Variants in MYT1L observed in about 807,000 individuals in gnomAD.
MYT1L encodes the protein myelin transcription factor 1 like.
Under a neutral mutation model 126.7 loss-of-function variants are expected in MYT1L, and 12 were observed. That is an observed-to-expected ratio of 0.09 (90% confidence interval 0.06 to 0.15). The LOEUF is 0.15. MYT1L is among the 10% of genes least tolerant of loss of function. The pLI is 1.00. For missense variants in MYT1L, 979 were observed against 1,585.2 expected (o/e 0.62, Z 6.49); for synonymous variants, 541 against 604.2 (o/e 0.90, Z 1.53).
chr2:1,861,858 C>CTGGATCCTCCTGCAGCCTGTGTAATCG (rs1558191046), intron 18 of MYT1L, among the ~76,000 whole-genome samples: 3 of 151,134 alleles, frequency 2.0e-5, no homozygotes, highest in Non-Finnish European at 3.0e-5. Context: ...CTGTGTAATC[C>CTGGATCCTCCTGCAGCCTGTGTAATCG]TAGATCTGCC....
rs76100766 is a variant in MYT1L at position 2,253,150 on chromosome 2, G to C, written c.-421+31254C>G. Among the ~76,000 whole-genome samples, 287 of 152,014 alleles carry C rather than the reference G, an allele frequency of 1.9e-3. 2 individuals carry two copies. Among genetic ancestry groups the C allele is most frequent in the African/African-American group, 6.4e-3 (267 of 41,494 alleles). On this transcript the variant is annotated intron_variant, in intron 2 of 24. Transcript: ENST00000647738. ...AGAAAAAAAGAATTTAAAAAAAAAA[G>C]AAAAAAAGAGAAGGAAACATCATTG...
chr2:2,057,344 G>A (rs571929924), intron 3 of MYT1L, among the ~76,000 whole-genome samples: 1 of 148,730 alleles, frequency 6.7e-6, no homozygotes, highest in South Asian at 2.2e-4. Flanking sequence ...TCACAGCCAC[G>A]CCCAGCCTCT....
intron 1 of MYT1L, among the ~76,000 whole-genome samples, chr2:2,322,501 G>A (rs1164468014): frequency 2.0e-5 from 3 of 151,922 alleles, no homozygotes; most frequent in African/African-American, 4.8e-5. Flanking sequence ...GTCTTTGCCC[G>A]TGAGCCTGCT....
chr2:2,214,885 T>C (rs1008763550), intron 2 of MYT1L, among the ~76,000 whole-genome samples: 2 of 152,166 alleles, frequency 1.3e-5, no homozygotes, highest in Non-Finnish European at 2.9e-5. Flanking sequence ...ATGTAGTGTG[T>C]CATTTGTAAC....
chr2:2,195,414 T>G (rs531762828), intron 2 of MYT1L, among the ~76,000 whole-genome samples: 1 of 152,220 alleles, frequency 6.6e-6, no homozygotes, highest in African/African-American at 2.4e-5. Context: ...CAATTCATGA[T>G]TGGATTGAGG....
intron 3 of MYT1L, among the ~76,000 whole-genome samples, chr2:2,122,548 G>A (rs1419341188): frequency 6.6e-6 from 1 of 152,160 alleles, no homozygotes; most frequent in Non-Finnish European, 1.5e-5. Flanking sequence ...CATATACAAA[G>A]TAATTCATGT....
chr2:1,990,934 G>A (rs1036365654), intron 5 of MYT1L, among the ~76,000 whole-genome samples: 11 of 152,302 alleles, frequency 7.2e-5, no homozygotes, highest in South Asian at 4.1e-4. Context: ...CCTCACAGGC[G>A]GCCATCTGGG....
At chr2:1,792,226 G>T in intron 24 of MYT1L, 95 bp downstream of exon 24, 5 of 1,434,308 alleles carry the variant, frequency 3.5e-6, no homozygotes, top group Non-Finnish European at 4.6e-6. Flanking sequence ...GCCAAAGGCT[G>T]AAGAACCATG....
intron 3 of MYT1L, among the ~76,000 whole-genome samples, chr2:2,072,844 G>T (rs559507654): frequency 2.1e-4 from 32 of 152,168 alleles, no homozygotes; most frequent in Admixed American, 2.1e-3. Context: ...TGCCATCATT[G>T]TAAGTTTCCT....
chr2:1,920,299 A>C, intron 10 of MYT1L, among the ~76,000 whole-genome samples: 1 of 152,236 alleles, frequency 6.6e-6, no homozygotes, highest in East Asian at 1.9e-4. Context: ...TCTTGCAAAC[A>C]AAACAAAACA....
intron 9 of MYT1L, among the ~76,000 whole-genome samples, chr2:1,940,961 G>A (rs71442310): frequency 0.029 from 4,383 of 152,276 alleles, 92 homozygotes; most frequent in Non-Finnish European, 0.046. Context: ...CATCCACTGG[G>A]TGCCCATTTA....
At chr2:2,286,522 T>C (rs1559555215) in intron 1 of MYT1L, among the ~76,000 whole-genome samples, 1 of 152,178 alleles carries the variant, frequency 6.6e-6, no homozygotes, top group Non-Finnish European at 1.5e-5. Flanking sequence ...AAAGAAAACA[T>C]AGAACCCATT....
chr2:1,983,282 T>G (rs2060742260), intron 5 of MYT1L, among the ~76,000 whole-genome samples: 1 of 152,170 alleles, frequency 6.6e-6, no homozygotes, highest in African/African-American at 2.4e-5. Context: ...GGAGATAATT[T>G]ATGAAAGATG....
At chr2:1,956,415 T>TATCTATCC (rs2058406658) in intron 8 of MYT1L, among the ~76,000 whole-genome samples, 1 of 125,112 alleles carries the variant, frequency 8.0e-6, no homozygotes, top group Middle Eastern at 3.6e-3. Flanking sequence ...TCTATCTATC[T>TATCTATCC]ATCTATCTAT....
chr2:2,071,813 T>C (rs2074635305), intron 3 of MYT1L, among the ~76,000 whole-genome samples: 1 of 152,104 alleles, frequency 6.6e-6, no homozygotes, highest in Non-Finnish European at 1.5e-5. Context: ...ATTAGGAGGC[T>C]ACTGCAGCCA....
At position 2,022,703 on chromosome 2, in the gene MYT1L, G is replaced by GA. The variant is rs112786973; in HGVS notation, c.-157-25357dup. ...TTTAATACACTTCCATTCCTGCTCT[G>GA]AAAAAAAAAAAAAGAAAAGTACACA... On this transcript the variant is annotated intron_variant, in intron 4 of 24. Transcript: ENST00000647738. 1.4e-3 allele frequency among the ~76,000 whole-genome samples: 194 copies of GA among 134,670 alleles called. 1 individual carries two copies. The highest frequency in any genetic ancestry group is 0.011 in the East Asian group (51 of 4,700). 88.3% of individuals were successfully genotyped at this position (134,670 alleles called of 152,430 possible). A position where few individuals can be genotyped will look rare whatever the true frequency, so the allele number is the denominator to read the frequency against.
At chr2:1,987,630 G>C (rs1341821095) in intron 5 of MYT1L, among the ~76,000 whole-genome samples, 1 of 152,194 alleles carries the variant, frequency 6.6e-6, no homozygotes, top group Non-Finnish European at 1.5e-5. Context: ...GCTGGACCTA[G>C]CAACAGTGAG....
intron 3 of MYT1L, among the ~76,000 whole-genome samples, chr2:2,151,161 G>A (rs914649511): frequency 2.6e-5 from 4 of 152,066 alleles, no homozygotes; most frequent in African/African-American, 4.8e-5. Context: ...GTTATAACTC[G>A]ACCAGCTTTA....
intron 19 of MYT1L, 55 bp from the exon 20 acceptor site, chr2:1,840,898 T>C (rs2041570632): frequency 9.8e-7 from 1 of 1,017,518 alleles, no homozygotes. Context: ...TCAGTGAGCT[T>C]TCTTTCTTTT....
Sources: allele counts gnomAD v4.1 joint callset (sites outside exome capture counted in the v4.1 genomes callset), GRCh38; gene constraint gnomAD v4.1.1; transcripts MANE v1.5; gene names NCBI Gene and HGNC (gene_info 2026-07-23, HGNC 2026-07-21).